The following ZBTB8A variants were observed in gnomAD, a reference collection of about 807,000 sequenced individuals.
The protein encoded by ZBTB8A is zinc finger and BTB domain-containing protein 8A.
Under a neutral mutation model 37.8 loss-of-function variants are expected in ZBTB8A, and 19 were observed. The ratio of observed to expected loss-of-function variants is 0.50; its 90% CI spans 0.35 to 0.74. The LOEUF (loss-of-function observed/expected upper bound fraction) is 0.74, where lower values mean the gene tolerates loss of function less well. ZBTB8A is among the 30% of genes least tolerant of loss of function. The pLI, the probability that ZBTB8A is intolerant of heterozygous loss-of-function variation, is 0.01. For synonymous variants in ZBTB8A, 181 were observed against 185.2 expected (o/e 0.98, Z 0.19); for missense variants, 394 against 537.8 (o/e 0.73, Z 2.65).
At chr1:32,598,154 A>G (rs1423421796) in intron 4 of ZBTB8A, among the ~76,000 whole-genome samples, 3 of 151,828 alleles carry the variant, frequency 2.0e-5, no homozygotes, top group African/African-American at 7.3e-5. Flanking sequence ...CACACAGGAT[A>G]ATAACTGTAC....
intron 2 of ZBTB8A, among the ~76,000 whole-genome samples, chr1:32,579,077 G>A (rs1442242231): frequency 6.6e-6 from 1 of 152,078 alleles, no homozygotes; most frequent in East Asian, 1.9e-4. Context: ...GTACTACTAA[G>A]ATATTACTCT....
intron 2 of ZBTB8A, among the ~76,000 whole-genome samples, chr1:32,588,183 G>A (rs564349978): frequency 3.3e-5 from 5 of 152,162 alleles, no homozygotes; most frequent in South Asian, 2.1e-4. Flanking sequence ...TAAGGAGGGC[G>A]TTATGGAAAC....
At chr1:32,572,868 C>CT (rs59613737) in intron 2 of ZBTB8A, among the ~76,000 whole-genome samples, 63 of 142,300 alleles carry the variant, frequency 4.4e-4, no homozygotes, top group East Asian at 2.2e-3. Flanking sequence ...TTTATGTCTT[C>CT]TTTTTTTTTT....
intron 1 of ZBTB8A, among the ~76,000 whole-genome samples, chr1:32,544,809 G>A (rs1644089428): frequency 6.6e-6 from 1 of 152,190 alleles, no homozygotes; most frequent in South Asian, 2.1e-4. Flanking sequence ...AAAATGTTAT[G>A]CGGCGCGTGA....
In ZBTB8A at chr1:32,605,136, C is replaced by G. The variant is rs146988136; in HGVS notation, c.*4717C>G. 8.8e-5 allele frequency: 10 copies of G among 113,014 alleles called. No individual in the cohort carries two copies. The highest frequency in any genetic ancestry group is 3.4e-4 in the African/African-American group (9 of 26,350). 7.0% of individuals were successfully genotyped at this position (113,014 alleles called of 1,614,324 possible). A position where few individuals can be genotyped will look rare whatever the true frequency, so the allele number is the denominator to read the frequency against. On this transcript the variant is annotated 3_prime_UTR_variant, in exon 5 of 5. Coordinates refer to ENST00000373510, the MANE Select transcript of ZBTB8A (RefSeq NM_001040441.3). Reference sequence around the variant, plus strand: ...CTGCACTCCAGCCTGGGTGACAGAGCGAGACTCCATCAAAAAAAAAAAAAA... The same window carrying G: ...CTGCACTCCAGCCTGGGTGACAGAGGGAGACTCCATCAAAAAAAAAAAAAA...
At chr1:32,540,056 CGA>C (rs1644040389) in intron 1 of ZBTB8A, among the ~76,000 whole-genome samples, 1 of 151,884 alleles carries the variant, frequency 6.6e-6, no homozygotes, top group Non-Finnish European at 1.5e-5. Context: ...GGCAGTAGCC[CGA>C]GTTTCTCGGT....
intron 1 of ZBTB8A, among the ~76,000 whole-genome samples, chr1:32,545,259 A>G (rs1644093693): frequency 6.6e-6 from 1 of 152,222 alleles, no homozygotes; most frequent in African/African-American, 2.4e-5. Context: ...ATTTTAAAAA[A>G]TTATTGTAGC....
At chr1:32,594,629 C>T (rs1001074234) in intron 3 of ZBTB8A, among the ~76,000 whole-genome samples, 3 of 151,852 alleles carry the variant, frequency 2.0e-5, no homozygotes, top group Non-Finnish European at 4.4e-5. Context: ...GGAGTGCTGG[C>T]GCATGTCTGT....
At chr1:32,555,493 T>G (rs937374999) in intron 2 of ZBTB8A, among the ~76,000 whole-genome samples, 16 of 152,186 alleles carry the variant, frequency 1.1e-4, no homozygotes, top group African/African-American at 3.9e-4. Flanking sequence ...CTTTAACCCC[T>G]GTACTGCATC....
At chr1:32,550,223 ACT>A (rs1644141235) in intron 1 of ZBTB8A, among the ~76,000 whole-genome samples, 1 of 152,084 alleles carries the variant, frequency 6.6e-6, no homozygotes, top group South Asian at 2.1e-4. Flanking sequence ...CCACAGATCA[ACT>A]CTAATATCTG....
intron 2 of ZBTB8A, among the ~76,000 whole-genome samples, chr1:32,582,387 C>T (rs1413573099): frequency 1.3e-5 from 2 of 152,106 alleles, no homozygotes; most frequent in Non-Finnish European, 2.9e-5. Context: ...GTGGCTTACC[C>T]ATGTAATCCC....
intron 1 of ZBTB8A, among the ~76,000 whole-genome samples, chr1:32,549,352 C>A (rs147967967): frequency 2.0e-5 from 3 of 151,884 alleles, no homozygotes; most frequent in Non-Finnish European, 4.4e-5. Context: ...AAATTAGCCA[C>A]GCATGGTGGG....
chr1:32,539,872 G>A (rs1484073643), intron 1 of ZBTB8A, among the ~76,000 whole-genome samples: 1 of 149,346 alleles, frequency 6.7e-6, no homozygotes, highest in Non-Finnish European at 1.5e-5. Flanking sequence ...AGGCGGCGGG[G>A]ACGGCGCCGG....
chr1:32,562,950 A>G (rs1224262856), intron 2 of ZBTB8A, among the ~76,000 whole-genome samples: 3 of 152,132 alleles, frequency 2.0e-5, no homozygotes, highest in Non-Finnish European at 4.4e-5. Flanking sequence ...TAAAATGTAA[A>G]TCATTTATAT....
Position 32,597,246 on chromosome 1 carries a change from C to G in ZBTB8A, c.993+2023C>G, listed in dbSNP as rs182421623. 3.6e-4 allele frequency among the ~76,000 whole-genome samples: 55 copies of G among 152,230 alleles called. 1 individual carries two copies. The highest frequency in any genetic ancestry group is 7.2e-4 in the Non-Finnish European group (49 of 68,014). ...CTGACCTCAAGTGATCCATCCACCT[C>G]GGCCTCCCAAAGTACTGGGATTACA... On this transcript the variant is annotated intron_variant, in intron 4 of 4. Coordinates refer to ENST00000373510, the MANE Select transcript of ZBTB8A (RefSeq NM_001040441.3).
rs1299004857 is a variant in ZBTB8A at position 32,603,349 on chromosome 1, C to T, written c.*2930C>T. On this transcript the variant is annotated 3_prime_UTR_variant, in exon 5 of 5. Coordinates refer to ENST00000373510, the MANE Select transcript of ZBTB8A (RefSeq NM_001040441.3). ...TTCGCTATGTTGGCCAGGCTGGTCTCGAACTCCTGACCTCGTGATCTGCCC... is the reference window on the plus strand; with the variant it reads ...TTCGCTATGTTGGCCAGGCTGGTCTTGAACTCCTGACCTCGTGATCTGCCC... 3.3e-5 allele frequency: 5 copies of T among 152,164 alleles called. No homozygotes were observed. The highest frequency in any genetic ancestry group is 4.4e-5 in the Non-Finnish European group (3 of 68,042). The allele number at this position is 152,164 out of a possible 1,614,324, so 9.4% of individuals were successfully genotyped here.
At chr1:32,568,216 C>A (rs144315076) in intron 2 of ZBTB8A, among the ~76,000 whole-genome samples, 5 of 151,962 alleles carry the variant, frequency 3.3e-5, no homozygotes, top group Admixed American at 3.3e-4. Context: ...ATTTAATGTT[C>A]GACATATGTT....
rs531581592 is a variant in ZBTB8A, at chr1:32,562,328, A to G, written c.-2+8788A>G. 2.7e-5 allele frequency among the ~76,000 whole-genome samples: 4 copies of G among 150,936 alleles called. No homozygotes were observed. In the East Asian group the frequency reaches 5.9e-4, roughly 22 times the overall value. ...GTTGCCTTGCCCAGGCTGGGGTGCC[A>G]TGGTGTGATCTCAGCTCACCACAAC... On this transcript the variant is annotated intron_variant, in intron 2 of 4. Transcript: ENST00000373510.
At chr1:32,562,601 A>G in intron 2 of ZBTB8A, among the ~76,000 whole-genome samples, 1 of 106,658 alleles carries the variant, frequency 9.4e-6, no homozygotes, top group East Asian at 2.8e-4. Flanking sequence ...TGATGAGACG[A>G]GTCTTCGCTC....
Sources: allele counts gnomAD v4.1 joint callset (sites outside exome capture counted in the v4.1 genomes callset), GRCh38; gene constraint gnomAD v4.1.1; transcripts MANE v1.5; gene names NCBI Gene and HGNC (gene_info 2026-07-23, HGNC 2026-07-21).